The following CMIP variants were observed in gnomAD, a reference collection of about 807,000 sequenced individuals.
CMIP encodes the protein c-Maf inducing protein.
Under a neutral mutation model 97.3 loss-of-function variants are expected in CMIP, and 13 were observed. That is an observed-to-expected ratio of 0.13 (90% CI 0.09 to 0.21). CMIP has a LOEUF of 0.21. Ranked by LOEUF, CMIP falls within the 10% of genes least tolerant of loss-of-function variation. CMIP has a pLI of 1.00. For synonymous variants in CMIP, 538 were observed against 436.3 expected (o/e 1.23, Z -2.91); for missense variants, 847 against 1,024.9 (o/e 0.83, Z 2.37).
intron 1 of CMIP, among the ~76,000 whole-genome samples, chr16:81,551,874 G>A (rs2090664906): frequency 6.6e-6 from 1 of 152,194 alleles, no homozygotes; most frequent in Non-Finnish European, 1.5e-5. Flanking sequence ...AGATGGGTGA[G>A]GCTCTGCTGC....
chr16:81,633,466 G>A (rs1054324504), intron 3 of CMIP, among the ~76,000 whole-genome samples: 5 of 152,222 alleles, frequency 3.3e-5, no homozygotes, highest in Non-Finnish European at 7.3e-5. Flanking sequence ...TTGCTTCACC[G>A]AGGGATCATC....
At chr16:81,669,027 T>A (rs1366165056) in intron 7 of CMIP, among the ~76,000 whole-genome samples, 1 of 107,672 alleles carries the variant, frequency 9.3e-6, no homozygotes, top group African/African-American at 3.7e-5. Context: ...CACTCCTCCT[T>A]CCACACCCAC....
intron 1 of CMIP, among the ~76,000 whole-genome samples, chr16:81,565,933 C>T (rs879577619): frequency 6.6e-5 from 10 of 152,214 alleles, no homozygotes; most frequent in African/African-American, 1.7e-4. Flanking sequence ...CTGCGCCCTC[C>T]TTCACCTTTC....
intron 15 of CMIP, among the ~76,000 whole-genome samples, chr16:81,700,034 G>C (rs762592362): frequency 2.6e-5 from 4 of 152,172 alleles, no homozygotes; most frequent in Non-Finnish European, 4.4e-5. Flanking sequence ...GGACGCTTCT[G>C]TTCTGCTCAT....
chr16:81,445,253 C>T lies in CMIP; in HGVS notation c.12C>T (p.Thr4=), dbSNP rs751377490. 19 of 1,534,450 alleles carry T rather than the reference C, an allele frequency of 1.2e-5. No homozygotes were observed. The highest frequency in any genetic ancestry group is 1.6e-5 in the Non-Finnish European group (18 of 1,144,322). The change falls in exon 1 of 21, where the codon ACC becomes ACT. Residue 4 remains threonine (T), a synonymous_variant. Transcript: ENST00000537098. MDV[T]SSSGGGGDPR... ...CCCCCGGCGCGGCCATGGATGTGACCAGCAGCTCGGGCGGCGGCGGCGACC... is the reference window on the plus strand; with the variant it reads ...CCCCCGGCGCGGCCATGGATGTGACTAGCAGCTCGGGCGGCGGCGGCGACC...
chr16:81,527,675 A>C (rs962242130), intron 1 of CMIP, among the ~76,000 whole-genome samples: 1 of 152,194 alleles, frequency 6.6e-6, no homozygotes, highest in Non-Finnish European at 1.5e-5. Context: ...AGAAGCTTCA[A>C]CTTTACAGAA....
chr16:81,478,627 C>T (rs1348088986), intron 1 of CMIP, among the ~76,000 whole-genome samples: 1 of 152,160 alleles, frequency 6.6e-6, no homozygotes, highest in African/African-American at 2.4e-5. Flanking sequence ...CCTTGTTGGT[C>T]CTCCTGGTGC....
chr16:81,634,257 T>C (rs1011127113), intron 3 of CMIP, among the ~76,000 whole-genome samples: 2 of 152,230 alleles, frequency 1.3e-5, no homozygotes, highest in South Asian at 2.1e-4. Flanking sequence ...CTGTTTTCCA[T>C]CTACTTTATT....
At chr16:81,477,793 A>G (rs77819820) in intron 1 of CMIP, among the ~76,000 whole-genome samples, 45,578 of 152,186 alleles carry the variant, frequency 0.3, 6,966 homozygotes, top group Non-Finnish European at 0.31. Context: ...ACCATGGGCC[A>G]AGAGAGGCTC....
At chr16:81,475,949 T>G (rs1204607047) in intron 1 of CMIP, 3 of 430,724 alleles carry the variant, frequency 7.0e-6, no homozygotes, top group African/African-American at 6.3e-5. Flanking sequence ...ATTGCTCCAC[T>G]GCGCTCCAGC....
intron 2 of CMIP, among the ~76,000 whole-genome samples, chr16:81,612,073 C>G (rs2091840800): frequency 6.6e-6 from 1 of 152,210 alleles, no homozygotes; most frequent in Admixed American, 6.5e-5. Context: ...TTTCTGCTAG[C>G]ATTTCATTGT....
chr16:81,703,746 G>A, intron 17 of CMIP, 193 bp from the exon 18 acceptor site: 2 of 666,508 alleles, frequency 3.0e-6, no homozygotes, highest in East Asian at 5.7e-5. Context: ...ATGCGTGGCA[G>A]CCCCTCCCTC....
At chr16:81,487,467 T>G (rs2089335219) in intron 1 of CMIP, among the ~76,000 whole-genome samples, 1 of 152,290 alleles carries the variant, frequency 6.6e-6, no homozygotes, top group African/African-American at 2.4e-5. Context: ...GTTCTGAGCC[T>G]GTGGCCTGCC....
At chr16:81,489,965 G>C (rs1184411344) in intron 1 of CMIP, among the ~76,000 whole-genome samples, 1 of 152,192 alleles carries the variant, frequency 6.6e-6, no homozygotes, top group African/African-American at 2.4e-5. Flanking sequence ...TCCGGCCACC[G>C]GGATTCTTGA....
At chr16:81,477,001 G>A (rs963504277) in intron 1 of CMIP, among the ~76,000 whole-genome samples, 7 of 151,936 alleles carry the variant, frequency 4.6e-5, no homozygotes, top group Admixed American at 2.6e-4. Flanking sequence ...GACCTCTTTG[G>A]GCTTCATCTA....
Position 81,445,287 on chromosome 16 carries a change from A to T in CMIP, c.46A>T (p.Ile16Phe), listed in dbSNP as rs1349781812. The change falls in exon 1 of 21, where the codon ATC becomes TTC. Residue 16 changes from isoleucine to phenylalanine, a missense_variant. This residue lies in a region of CMIP where 94 missense variants were observed against 79.9 expected (regional missense o/e 1.18). Coordinates refer to ENST00000537098, the MANE Select transcript of CMIP (RefSeq NM_198390.3). ...GGGCGGCGGCGGCGACCCCCGGCAG[A>T]TCGAGGAGACCAAGCCGCTGCTGGG... ...SSGGGGDPRQ[I>F]EETKPLLGGD... is the part of the protein sequence containing the mutation. 1.3e-6 allele frequency: 2 copies of T among 1,551,326 alleles called. No homozygotes were observed. The highest frequency in any genetic ancestry group is 2.4e-5 in the South Asian group (2 of 84,640).
intron 1 of CMIP, among the ~76,000 whole-genome samples, chr16:81,492,864 T>G: frequency 7.0e-6 from 1 of 143,628 alleles, no homozygotes; most frequent in Non-Finnish European, 1.5e-5. Flanking sequence ...TACGGGGAGC[T>G]GTGTGGGGTG....
chr16:81,689,800 A>T (rs1188501465), intron 10 of CMIP, among the ~76,000 whole-genome samples: 1 of 152,230 alleles, frequency 6.6e-6, no homozygotes, highest in East Asian at 1.9e-4. Flanking sequence ...CTAACATTTA[A>T]GTCTTTAATC....
chr16:81,693,402 A>G (rs1213417252), intron 12 of CMIP, 37 bp from the exon 13 acceptor site: 1 of 1,599,266 alleles, frequency 6.3e-7, no homozygotes, highest in Non-Finnish European at 8.5e-7. Flanking sequence ...TCAGTTCCAG[A>G]CCCCGGCAGT....
Sources: gnomAD v4.1 joint callset for allele counts (sites outside exome capture counted in the v4.1 genomes callset) on GRCh38, gnomAD v4.1.1 for gene constraint, gnomAD v4.1.1 regional missense constraint, MANE v1.5 for transcripts, NCBI Gene and HGNC (gene_info 2026-07-23, HGNC 2026-07-21) for gene names.